PCLO: variants seen among roughly 807,000 people sequenced by gnomAD.
PCLO encodes the protein protein piccolo.
In PCLO, 82 loss-of-function variants were observed where a neutral mutation model predicts 427.5. The observed-to-expected ratio is 0.19, with a 90% confidence interval of 0.16 to 0.23. PCLO has a LOEUF of 0.23. PCLO is among the 10% of genes least tolerant of loss of function. The pLI is 1.00. For synonymous variants in PCLO, 2,357 were observed against 2,155.4 expected, an observed-to-expected ratio of 1.09 and a Z score of -2.59; for missense variants, 6,239 against 6,115.9, an observed-to-expected ratio of 1.02 and a Z score of -0.67.
Position 82,953,377 on chromosome 7 carries a change from G to GT in PCLO, c.7575dup (p.Pro2526ThrfsTer28). 6.2e-7 allele frequency: 1 copy of GT among 1,613,716 alleles called. No individual in the cohort carries two copies. Among genetic ancestry groups the GT allele is most frequent in the Non-Finnish European group, 8.5e-7 (1 of 1,179,806 alleles). ...GTTGGTTTGGGGTGTATATCTGTTG[G>GT]TTTTTGTGTAGTTGTTGGAAGCTGA... On this transcript the variant is annotated frameshift_variant, in exon 5 of 25. Transcript: ENST00000333891. LOFTEE classifies it high-confidence loss of function.
intron 9 of PCLO, among the ~76,000 whole-genome samples, chr7:82,889,476 T>C (rs1584106113): frequency 6.6e-6 from 1 of 152,198 alleles, no homozygotes; most frequent in African/African-American, 2.4e-5. Flanking sequence ...AATTATATGA[T>C]TTAAAATTTC....
chr7:83,154,795 T>G lies in PCLO; in HGVS notation c.1846A>C (p.Thr616Pro), dbSNP rs1792225338. ...NFNTCTECQT[T>P]VCSLCGFNPN... ...TTAAAACCACAGAGACTACAGACAG[T>G]GGTTTGACACTCAGTGCATGTGTTA... Residue 616 changes from threonine (T) to proline (P), a missense_variant, in exon 2 of 25, where the codon ACT becomes CCT. By Grantham distance (38) the Thr-to-Pro change is conservative. Around this residue, in one of 5 missense-constraint regions of PCLO, gnomAD observed 4,677 missense variants for 4,468.4 expected, o/e 1.05. Coordinates refer to ENST00000333891, the MANE Select transcript of PCLO (RefSeq NM_033026.6). The G allele has an allele frequency of 1.2e-6, 2 of 1,613,276 alleles. No homozygotes were observed. Among genetic ancestry groups the G allele is most frequent in the African/African-American group, 1.3e-5 (1 of 74,748 alleles).
intron 3 of PCLO, among the ~76,000 whole-genome samples, chr7:83,045,469 A>C (rs1402820933): frequency 4.6e-5 from 7 of 152,050 alleles, no homozygotes; most frequent in Non-Finnish European, 2.9e-5. Flanking sequence ...TCTGGAACAC[A>C]TATTACTTTT....
intron 3 of PCLO, among the ~76,000 whole-genome samples, chr7:83,049,625 G>A (rs1198175539): frequency 4.6e-5 from 7 of 152,014 alleles, no homozygotes; most frequent in Non-Finnish European, 7.4e-5. Flanking sequence ...TCTTGGTCAG[G>A]TCACAATGCT....
At chr7:82,797,808 A>G (rs1051497759) in intron 22 of PCLO, among the ~76,000 whole-genome samples, 2 of 152,134 alleles carry the variant, frequency 1.3e-5, no homozygotes, top group Non-Finnish European at 2.9e-5. Context: ...GACCCATTGA[A>G]CTAATCTCAT....
chr7:83,155,776 C>A lies in PCLO; in HGVS notation c.865G>T (p.Val289Leu). Residue 289 changes from valine (V) to leucine (L), a missense_variant, in exon 2 of 25, where the codon GTA becomes TTA. Coordinates refer to ENST00000333891, the MANE Select transcript of PCLO (RefSeq NM_033026.6). Reference protein sequence around the residue: ...SRPQTKQADIVRGESVKPSLP... With the variant: ...SRPQTKQADILRGESVKPSLP... ...GAGGGTTTAACTGATTCTCCCCTTA[C>A]TATGTCTGCCTGTTTAGTCTGAGGC... 2 of 1,613,918 alleles carry A rather than the reference C, an allele frequency of 1.2e-6. No homozygotes were observed. Among genetic ancestry groups the A allele is most frequent in the Non-Finnish European group, 1.7e-6 (2 of 1,179,856 alleles).
intron 9 of PCLO, among the ~76,000 whole-genome samples, chr7:82,891,980 T>G (rs1793778615): frequency 6.6e-6 from 1 of 152,098 alleles, no homozygotes; most frequent in Non-Finnish European, 1.5e-5. Context: ...AGAATCAATA[T>G]TGTGAAAATG....
intron 6 of PCLO, among the ~76,000 whole-genome samples, chr7:82,938,643 C>T (rs1187558404): frequency 6.6e-6 from 1 of 151,904 alleles, no homozygotes; most frequent in Non-Finnish European, 1.5e-5. Flanking sequence ...AAGACTATTA[C>T]TAAAACATGA....
At position 83,155,430 on chromosome 7, in the gene PCLO, T is replaced by G. The variant is rs1297471726; in HGVS notation, c.1211A>C (p.Gln404Pro). Residue 404 changes from glutamine (Q) to proline (P), a missense_variant, in exon 2 of 25, where the codon CAG becomes CCG. Physicochemically the swap from Gln to Pro is moderately conservative, Grantham distance 76. This residue lies in a region of PCLO where 4,677 missense variants were observed against 4,468.4 expected (regional missense o/e 1.05). Transcript: ENST00000333891. ...GGTTGGAGGCTTTGCTGGCCCTGGC[T>G]GTTGAGCTGGAGTCTTTCCAACTCC... ...PPGVGKTPAQQPGPAKPPTQQ... is the reference protein window; with the variant it reads ...PPGVGKTPAQPPGPAKPPTQQ... The G allele has an allele frequency of 1.9e-6, 3 of 1,612,374 alleles. No homozygotes were observed. The Admixed American group carries it at 5.0e-5, about 27-fold the overall frequency.
At chr7:82,936,179 A>T (rs1478878612) in intron 6 of PCLO, among the ~76,000 whole-genome samples, 2 of 151,688 alleles carry the variant, frequency 1.3e-5, no homozygotes, top group Non-Finnish European at 3.0e-5. Flanking sequence ...CCAGAAAACA[A>T]GTCTCGATAA....
intron 6 of PCLO, among the ~76,000 whole-genome samples, chr7:82,945,895 T>C (rs895322373): frequency 6.6e-6 from 1 of 152,196 alleles, no homozygotes; most frequent in Non-Finnish European, 1.5e-5. Context: ...AGCATGACAC[T>C]GAATTAAGAA....
At chr7:83,077,681 G>T (rs1789991358) in intron 3 of PCLO, among the ~76,000 whole-genome samples, 1 of 151,976 alleles carries the variant, frequency 6.6e-6, no homozygotes, top group Admixed American at 6.6e-5. Flanking sequence ...TTAGTGCCAG[G>T]AGGCGTTCTC....
intron 6 of PCLO, among the ~76,000 whole-genome samples, chr7:82,930,788 A>C (rs1051860538): frequency 2.0e-5 from 3 of 152,170 alleles, no homozygotes; most frequent in Admixed American, 6.6e-5. Context: ...ATGTTTCATT[A>C]ATCTTTTGGC....
At position 82,956,555 on chromosome 7, in the gene PCLO, C is replaced by T; in HGVS notation, c.4398G>A (p.Glu1466=). The change falls in exon 5 of 25, where the codon GAG becomes GAA. Residue 1466 remains glutamate (E), a synonymous_variant. Transcript: ENST00000333891. ...TTTCTTCTTGACTCTCTTTGATCTC[C>T]TCTTCTGAAATAGTAATTTCCAAGG... The part of the protein sequence containing the change: ...SETLEITISE[E]EIKESQEERK... 2 of 1,612,706 alleles carry T rather than the reference C, an allele frequency of 1.2e-6. No homozygotes were observed. The highest frequency in any genetic ancestry group is 1.7e-6 in the Non-Finnish European group (2 of 1,179,556).
intron 22 of PCLO, among the ~76,000 whole-genome samples, chr7:82,779,258 T>G (rs1456304840): frequency 6.6e-6 from 1 of 152,158 alleles, no homozygotes. Context: ...AAGATATTGC[T>G]TTTTGCCTTG....
intron 3 of PCLO, among the ~76,000 whole-genome samples, chr7:83,015,194 T>C (rs1268860388): frequency 1.3e-5 from 2 of 152,140 alleles, no homozygotes; most frequent in African/African-American, 2.4e-5. Context: ...CAATAACATA[T>C]TACTTGATAT....
intron 10 of PCLO, among the ~76,000 whole-genome samples, chr7:82,862,682 C>G (rs1311827484): frequency 2.0e-5 from 3 of 148,896 alleles, no homozygotes; most frequent in African/African-American, 2.5e-5. Context: ...TAAAAAAGAA[C>G]AAGATCCAGT....
intron 20 of PCLO, among the ~76,000 whole-genome samples, chr7:82,820,175 A>G (rs923592064): frequency 6.6e-6 from 1 of 152,214 alleles, no homozygotes; most frequent in African/African-American, 2.4e-5. Flanking sequence ...ACCTGAGAAG[A>G]TTGCAAAGTA....
chr7:82,928,594 C>G (rs751120583), intron 6 of PCLO, among the ~76,000 whole-genome samples: 1 of 151,998 alleles, frequency 6.6e-6, no homozygotes, highest in African/African-American at 2.4e-5. Flanking sequence ...ATGTTGGTCT[C>G]GAACTCCTGA....
Sources: gnomAD v4.1 joint callset for allele counts (sites outside exome capture counted in the v4.1 genomes callset) on GRCh38, gnomAD v4.1.1 for gene constraint, gnomAD v4.1.1 regional missense constraint, MANE v1.5 for transcripts, NCBI Gene and HGNC (gene_info 2026-07-23, HGNC 2026-07-21) for gene names.